Variants in PIK3C2G observed in about 807,000 individuals in gnomAD.
The protein encoded by PIK3C2G is phosphatidylinositol 3-kinase C2 domain-containing subunit gamma.
Under a neutral mutation model 181.1 loss-of-function variants are expected in PIK3C2G, and 168 were observed. That is an observed-to-expected ratio of 0.93 (90% CI 0.82 to 1.05). The LOEUF is 1.05. Ranked by LOEUF, PIK3C2G falls within the 50% of genes least tolerant of loss-of-function variation. PIK3C2G has a pLI of 0.00. For synonymous variants in PIK3C2G, 573 were observed against 592.2 expected (o/e 0.97, Z 0.47); for missense variants, 1,869 against 1,732.8 (o/e 1.08, Z -1.40).
chr12:18,475,040 A>C (rs1938832055), intron 18 of PIK3C2G, among the ~76,000 whole-genome samples: 1 of 152,140 alleles, frequency 6.6e-6, no homozygotes, highest in Non-Finnish European at 1.5e-5. Context: ...TGATGGGAGA[A>C]TCTCATAAGA....
intron 16 of PIK3C2G, among the ~76,000 whole-genome samples, chr12:18,418,782 G>A (rs1314452091): frequency 2.0e-5 from 3 of 152,058 alleles, no homozygotes; most frequent in Non-Finnish European, 1.5e-5. Flanking sequence ...ATAACTAAAT[G>A]AGCCTGCCCT....
At chr12:18,717,617 A>T in the PIK3C2G span, among the ~76,000 whole-genome samples, 21 of 152,226 alleles carry the variant, frequency 1.4e-4, no homozygotes, top group Admixed American at 2.0e-4. Flanking sequence ...TAGCATGGAA[A>T]CCACAGAACC....
intron 1 of PIK3C2G, among the ~76,000 whole-genome samples, chr12:18,264,929 T>G (rs530744205): frequency 6.6e-6 from 1 of 152,208 alleles, no homozygotes; most frequent in African/African-American, 2.4e-5. Context: ...GAAGCCTGCA[T>G]GGGGCATCTG....
intron 32 of PIK3C2G, among the ~76,000 whole-genome samples, chr12:18,645,899 C>A (rs1358030885): frequency 6.6e-6 from 1 of 152,120 alleles, no homozygotes; most frequent in Non-Finnish European, 1.5e-5. Context: ...CATATACAGT[C>A]ACACTTTGAG....
At position 18,488,638 on chromosome 12, in the gene PIK3C2G, A is replaced by C; in HGVS notation, c.2685+9A>C. Reference sequence around the variant, plus strand: ...GTGACCATCAAAGACAGGTTTGTTGAAATATTAATATTCAGGTAGTAATGT... The same window carrying C: ...GTGACCATCAAAGACAGGTTTGTTGCAATATTAATATTCAGGTAGTAATGT... On this transcript the variant is annotated intron_variant, in intron 19 of 32. Transcript: ENST00000538779. 4.8e-6 allele frequency: 7 copies of C among 1,454,078 alleles called. No individual in the cohort carries two copies. The highest frequency in any genetic ancestry group is 6.4e-6 in the Non-Finnish European group (7 of 1,090,180). 90.1% of individuals were successfully genotyped at this position (1,454,078 alleles called of 1,614,324 possible).
chr12:18,700,215 A>G, the PIK3C2G span, among the ~76,000 whole-genome samples: 2 of 152,064 alleles, frequency 1.3e-5, no homozygotes, highest in Admixed American at 1.3e-4. Context: ...TTTTTTTCCT[A>G]AAGATCTCAG....
chr12:18,348,462 T>C (rs1406020204), intron 11 of PIK3C2G, among the ~76,000 whole-genome samples: 1 of 152,084 alleles, frequency 6.6e-6, no homozygotes, highest in Non-Finnish European at 1.5e-5. Flanking sequence ...TGTACATATG[T>C]ACATATAATT....
chr12:18,657,696 C>G, the PIK3C2G span, among the ~76,000 whole-genome samples: 1 of 152,088 alleles, frequency 6.6e-6, no homozygotes, highest in Non-Finnish European at 1.5e-5. Flanking sequence ...GCAGCAACAA[C>G]AAACCCCCAA....
chr12:18,443,455 GTT>G (rs55801405), intron 18 of PIK3C2G, among the ~76,000 whole-genome samples: 13 of 151,012 alleles, frequency 8.6e-5, no homozygotes, highest in Admixed American at 5.9e-4. Flanking sequence ...TGGCTTTAAA[GTT>G]TTTTTTTCAT....
intron 1 of PIK3C2G, among the ~76,000 whole-genome samples, chr12:18,280,906 A>G (rs968211020): frequency 3.3e-5 from 5 of 152,036 alleles, no homozygotes; most frequent in African/African-American, 1.2e-4. Flanking sequence ...ACATCCTACA[A>G]GGACTGGTGG....
intron 22 of PIK3C2G, among the ~76,000 whole-genome samples, chr12:18,498,924 C>T (rs150023338): frequency 1.1e-4 from 16 of 152,278 alleles, no homozygotes; most frequent in African/African-American, 2.6e-4. Flanking sequence ...CTTTTTCTCA[C>T]GTAAGTGACC....
At chr12:18,700,623 C>T in the PIK3C2G span, among the ~76,000 whole-genome samples, 1 of 150,952 alleles carries the variant, frequency 6.6e-6, no homozygotes, top group African/African-American at 2.4e-5. Flanking sequence ...CATGCACCAA[C>T]ACAGAGAAAG....
the PIK3C2G span, chr12:18,701,849 GT>G: frequency 1.3e-6 from 2 of 1,533,084 alleles, no homozygotes; most frequent in Middle Eastern, 2.1e-4. Context: ...ACTGAAAAGT[GT>G]TTCACTATAT....
chr12:18,311,205 G>GAC (rs144280398), intron 5 of PIK3C2G, among the ~76,000 whole-genome samples: 16 of 150,426 alleles, frequency 1.1e-4, no homozygotes, highest in East Asian at 1.9e-4. Flanking sequence ...CACACATACA[G>GAC]ACACACACAC....
chr12:18,687,834 A>T, the PIK3C2G span, among the ~76,000 whole-genome samples: 1,069 of 152,234 alleles, frequency 7.0e-3, 12 homozygotes, highest in African/African-American at 0.025. Context: ...AACATAAAAA[A>T]GAGGTAAATT....
intron 18 of PIK3C2G, among the ~76,000 whole-genome samples, chr12:18,488,001 C>T (rs1940220110): frequency 6.6e-6 from 1 of 152,002 alleles, no homozygotes; most frequent in Admixed American, 6.6e-5. Flanking sequence ...AAAGACAGCA[C>T]CTTTTGTGGT....
At chr12:18,359,939 G>T (rs543376074) in intron 11 of PIK3C2G, among the ~76,000 whole-genome samples, 32 of 152,140 alleles carry the variant, frequency 2.1e-4, no homozygotes, top group East Asian at 1.5e-3. Context: ...AATGTCTTTT[G>T]ATTGGGGAAT....
intron 24 of PIK3C2G, 71 bp from the exon 25 acceptor site, chr12:18,538,085 T>C: frequency 7.1e-7 from 1 of 1,403,542 alleles, no homozygotes; most frequent in Non-Finnish European, 9.8e-7. Context: ...AATAAGTCGT[T>C]ATAACTGCTG....
intron 1 of PIK3C2G, among the ~76,000 whole-genome samples, chr12:18,278,454 AAGGTC>A (rs1338466229): frequency 6.6e-6 from 1 of 152,144 alleles, no homozygotes; most frequent in Admixed American, 6.6e-5. Context: ...TTTCTATTTT[AAGGTC>A]AGCTAATTAG....
Sources: gnomAD v4.1 joint callset for allele counts (sites outside exome capture counted in the v4.1 genomes callset) on GRCh38, gnomAD v4.1.1 for gene constraint, MANE v1.5 for transcripts, NCBI Gene and HGNC (gene_info 2026-07-23, HGNC 2026-07-21) for gene names.